Variants in SNX8 observed in about 807,000 individuals in gnomAD.
The protein encoded by SNX8 is sorting nexin-8.
Under a neutral mutation model 51.6 loss-of-function variants are expected in SNX8, and 25 were observed. The observed-to-expected ratio is 0.48, with a 90% CI of 0.35 to 0.68. The LOEUF (loss-of-function observed/expected upper bound fraction) is 0.68. SNX8 is among the 30% of genes least tolerant of loss of function. The probability of loss-of-function intolerance (pLI) is 0.00; values close to 1 mark genes in which losing one functional copy is unlikely to be tolerated. For synonymous variants in SNX8, 324 were observed against 277.0 expected, an observed-to-expected ratio of 1.17 and a Z score of -1.68; for missense variants, 695 against 624.0, an observed-to-expected ratio of 1.11 and a Z score of -1.21.
chr7:2,314,581 G>T, upstream of SNX8: 1 of 635,810 alleles, frequency 1.6e-6, no homozygotes, highest in Non-Finnish European at 2.0e-6. Flanking sequence ...TCCTCGCCCG[G>T]CCTCGCCACG....
chr7:2,282,701 G>A (rs574415464), intron 1 of SNX8, among the ~76,000 whole-genome samples: 1 of 152,344 alleles, frequency 6.6e-6, no homozygotes, highest in South Asian at 2.1e-4. Context: ...GATTGGCCGG[G>A]CGCAGTGGCT....
chr7:2,264,792 T>C (rs948839492), intron 5 of SNX8, among the ~76,000 whole-genome samples: 3 of 152,154 alleles, frequency 2.0e-5, no homozygotes, highest in African/African-American at 7.2e-5. Context: ...TCCCAGCACT[T>C]TGGAGGCTGA....
upstream of SNX8, among the ~76,000 whole-genome samples, chr7:2,319,167 C>A (rs1018219183): frequency 1.1e-4 from 17 of 149,844 alleles, no homozygotes; most frequent in Admixed American, 1.1e-3. Flanking sequence ...AGGGAAACTC[C>A]GTCTCCAATA....
chr7:2,267,681 G>A (rs549043648), intron 5 of SNX8, among the ~76,000 whole-genome samples: 3 of 149,316 alleles, frequency 2.0e-5, no homozygotes, highest in South Asian at 2.2e-4. Context: ...CCTCCCAGCC[G>A]CCTGCCTTGG....
chr7:2,313,788 G>T (rs187823013), intron 1 of SNX8, among the ~76,000 whole-genome samples: 44 of 152,342 alleles, frequency 2.9e-4, no homozygotes, highest in Admixed American at 2.1e-3. Flanking sequence ...TTGAAAGAGA[G>T]AGAAAAGCAG....
At chr7:2,340,239 T>A (rs1018132258) in intron 1 of SNX8, among the ~76,000 whole-genome samples, 1 of 138,372 alleles carries the variant, frequency 7.2e-6, no homozygotes, top group African/African-American at 2.8e-5. Flanking sequence ...ATTTTCATAA[T>A]TTTTTTTTTT....
At chr7:2,351,700 AGGCG>A in intron 1 of SNX8, among the ~76,000 whole-genome samples, 1 of 150,448 alleles carries the variant, frequency 6.6e-6, no homozygotes, top group East Asian at 2.0e-4. Flanking sequence ...GTGTGGTGGC[AGGCG>A]CCTGTAGTCC....
intron 1 of SNX8, among the ~76,000 whole-genome samples, chr7:2,297,709 T>C (rs904259355): frequency 8.6e-5 from 13 of 151,810 alleles, no homozygotes; most frequent in African/African-American, 2.7e-4. Flanking sequence ...TACTCAGTCA[T>C]AGAAAAGAAT....
At chr7:2,299,278 CAA>C (rs1312302735) in intron 1 of SNX8, 1 of 151,366 alleles carries the variant, frequency 6.6e-6, no homozygotes, top group East Asian at 1.9e-4. Flanking sequence ...GACCAGACCA[CAA>C]AGGGGAAAAA....
chr7:2,333,674 A>G (rs1180291848), intron 1 of SNX8, among the ~76,000 whole-genome samples: 6 of 152,208 alleles, frequency 3.9e-5, no homozygotes, highest in Non-Finnish European at 8.8e-5. Flanking sequence ...ACTCACTCAC[A>G]TATGGTTAAT....
At chr7:2,292,837 C>T (rs575249152) in intron 1 of SNX8, among the ~76,000 whole-genome samples, 12 of 151,978 alleles carry the variant, frequency 7.9e-5, no homozygotes, top group East Asian at 3.9e-4. Context: ...CTGGGCAACG[C>T]GGCAAGATCC....
chr7:2,258,244 C>G (rs190161772), intron 7 of SNX8, among the ~76,000 whole-genome samples: 2 of 152,064 alleles, frequency 1.3e-5, no homozygotes, highest in African/African-American at 4.8e-5. Flanking sequence ...TCTTGATCTC[C>G]AGACCTCGTG....
At chr7:2,342,603 G>A (rs1022086140) in intron 1 of SNX8, among the ~76,000 whole-genome samples, 10 of 151,266 alleles carry the variant, frequency 6.6e-5, no homozygotes, top group African/African-American at 1.5e-4. Flanking sequence ...GCAGTGAGCC[G>A]AGATCAGGCC....
intron 1 of SNX8, among the ~76,000 whole-genome samples, chr7:2,334,267 G>C (rs1267015880): frequency 6.6e-6 from 1 of 152,136 alleles, no homozygotes; most frequent in African/African-American, 2.4e-5. Context: ...GCCAGGCGTG[G>C]TGGCGGGCAC....
chr7:2,255,510 A>G (rs1365161066), intron 10 of SNX8, among the ~76,000 whole-genome samples: 1 of 152,184 alleles, frequency 6.6e-6, no homozygotes, highest in Non-Finnish European at 1.5e-5. Context: ...CACTGGCCTC[A>G]TGGAAGCCTT....
intron 1 of SNX8, among the ~76,000 whole-genome samples, chr7:2,304,319 C>A (rs372305501): frequency 0.048 from 7,224 of 151,862 alleles, 225 homozygotes; most frequent in Middle Eastern, 0.14. Context: ...CCAAGGTGGG[C>A]AGATCACGAG....
intron 1 of SNX8, among the ~76,000 whole-genome samples, chr7:2,323,896 G>A (rs540310705): frequency 3.9e-5 from 6 of 152,044 alleles, no homozygotes; most frequent in Non-Finnish European, 5.9e-5. Context: ...ACCTCAGGTG[G>A]ATCACCTGAG....
At chr7:2,296,966 T>C (rs775452700) in intron 1 of SNX8, among the ~76,000 whole-genome samples, 19 of 151,652 alleles carry the variant, frequency 1.3e-4, no homozygotes, top group Non-Finnish European at 2.2e-4. Context: ...GGCCAAAAAA[T>C]ATATGCAAAA....
intron 1 of SNX8, among the ~76,000 whole-genome samples, chr7:2,289,114 G>C (rs1472082104): frequency 6.6e-6 from 1 of 152,166 alleles, no homozygotes; most frequent in Non-Finnish European, 1.5e-5. Context: ...CAGGCTGCGA[G>C]ACCTGTTGTG....
Sources: allele counts gnomAD v4.1 joint callset (sites outside exome capture counted in the v4.1 genomes callset), GRCh38; gene constraint gnomAD v4.1.1; transcripts MANE v1.5; gene names NCBI Gene and HGNC (gene_info 2026-07-23, HGNC 2026-07-21).